The following CAMK4 variants were observed in gnomAD, a reference collection of about 807,000 sequenced individuals.
CAMK4 encodes calcium/calmodulin dependent protein kinase IV, also known as calcium/calmodulin-dependent protein kinase type IV.
CAMK4 carries 22 observed loss-of-function variants against 44.9 expected under a neutral mutation model. That is an observed-to-expected ratio of 0.49 (90% CI 0.35 to 0.70). CAMK4 has a LOEUF of 0.70. CAMK4 is among the 30% of genes least tolerant of loss of function. CAMK4 has a pLI of 0.01. For missense variants in CAMK4, 498 were observed against 586.8 expected, an observed-to-expected ratio of 0.85 and a Z score of 1.56; for synonymous variants, 218 against 215.4, an observed-to-expected ratio of 1.01 and a Z score of -0.11.
chr5:111,395,899 A>T (rs1056699525), intron 5 of CAMK4, among the ~76,000 whole-genome samples: 2 of 152,168 alleles, frequency 1.3e-5, no homozygotes, highest in African/African-American at 2.4e-5. Flanking sequence ...AAAGAGACAA[A>T]TCTATAAAAT....
chr5:111,359,874 G>T (rs544132347), intron 2 of CAMK4, among the ~76,000 whole-genome samples: 1 of 152,122 alleles, frequency 6.6e-6, no homozygotes, highest in East Asian at 1.9e-4. Context: ...GGAGTGTCCT[G>T]ATCAGTTTCA....
At chr5:111,452,559 C>G (rs1324300278) in intron 7 of CAMK4, among the ~76,000 whole-genome samples, 1 of 152,144 alleles carries the variant, frequency 6.6e-6, no homozygotes. Flanking sequence ...TGCTCATGTC[C>G]TTCCTTAGCT....
intron 1 of CAMK4, among the ~76,000 whole-genome samples, chr5:111,255,605 T>C (rs1276289898): frequency 1.3e-5 from 2 of 152,188 alleles, no homozygotes; most frequent in African/African-American, 4.8e-5. Flanking sequence ...AGAGTCATGA[T>C]TTTGTCACAA....
At chr5:111,246,140 G>C (rs551156194) in intron 1 of CAMK4, among the ~76,000 whole-genome samples, 62 of 152,252 alleles carry the variant, frequency 4.1e-4, no homozygotes, top group African/African-American at 1.3e-3. Context: ...GAATTCTCGA[G>C]ATGTTTAAGG....
intron 1 of CAMK4, among the ~76,000 whole-genome samples, chr5:111,252,230 G>A (rs984678350): frequency 2.6e-5 from 4 of 152,120 alleles, no homozygotes; most frequent in African/African-American, 9.7e-5. Context: ...CACTTGTCTT[G>A]GCTTCTTCAG....
intron 1 of CAMK4, among the ~76,000 whole-genome samples, chr5:111,247,949 C>T (rs533557114): frequency 6.6e-6 from 1 of 152,220 alleles, no homozygotes; most frequent in African/African-American, 2.4e-5. Flanking sequence ...CTAGAATTTT[C>T]CAGTCTTTAA....
rs777686208 is a variant in CAMK4, at chr5:111,449,252, AT to A, written c.625+54del. 1.4e-4 allele frequency: 119 copies of A among 854,380 alleles called. 1 individual carries two copies. Among genetic ancestry groups the A allele is most frequent in the Admixed American group, 2.5e-4 (10 of 39,254 alleles). The allele number at this position is 854,380 out of a possible 1,614,324, so 52.9% of individuals were successfully genotyped here. On this transcript the variant is annotated intron_variant, in intron 7 of 10. Coordinates refer to ENST00000282356, the MANE Select transcript of CAMK4 (RefSeq NM_001744.6). ...TTACTTTTATTGTTATTTGAAATGTATTTTTGTTTAGCAATCTCATTTTTAA... is the reference window on the plus strand; with the variant it reads ...TTACTTTTATTGTTATTTGAAATGTATTTTGTTTAGCAATCTCATTTTTAA...
intron 2 of CAMK4, among the ~76,000 whole-genome samples, chr5:111,346,382 G>A (rs1749863518): frequency 6.6e-6 from 1 of 151,828 alleles, no homozygotes; most frequent in Admixed American, 6.6e-5. Flanking sequence ...GCAATTTTAT[G>A]TGGTCCAACT....
At chr5:111,460,048 A>G (rs1476338738) in intron 7 of CAMK4, among the ~76,000 whole-genome samples, 14 of 152,056 alleles carry the variant, frequency 9.2e-5, no homozygotes, top group Non-Finnish European at 1.5e-5. Flanking sequence ...GTCAAAAGGA[A>G]GAGGTGATTG....
At chr5:111,323,146 C>T (rs1396946310) in intron 1 of CAMK4, among the ~76,000 whole-genome samples, 4 of 151,998 alleles carry the variant, frequency 2.6e-5, no homozygotes, top group Non-Finnish European at 5.9e-5. Context: ...ATTCAAGAGG[C>T]TTACTGAACA....
chr5:111,310,759 A>G (rs1748168601), intron 1 of CAMK4, among the ~76,000 whole-genome samples: 1 of 152,150 alleles, frequency 6.6e-6, no homozygotes, highest in Non-Finnish European at 1.5e-5. Flanking sequence ...TAAAAAGTAT[A>G]TTGGCCTTTT....
chr5:111,401,778 C>T (rs185477276), intron 5 of CAMK4, among the ~76,000 whole-genome samples: 94 of 152,112 alleles, frequency 6.2e-4, no homozygotes, highest in South Asian at 1.0e-3. Flanking sequence ...AAACAGCTAC[C>T]CCTAGGACTG....
rs545660202 is a variant in CAMK4, at chr5:111,228,746, G to A, written c.161+4102G>A. 2.4e-3 allele frequency among the ~76,000 whole-genome samples: 366 copies of A among 152,298 alleles called. 5 individuals are homozygous for A. Among genetic ancestry groups the A allele is most frequent in the Non-Finnish European group, 2.8e-3 (189 of 68,022 alleles). ...GTAGGCCATAAATCTGTGTGTGATA[G>A]ATTAAGCTATGAGGCAGAGTCTTTT... On this transcript the variant is annotated intron_variant, in intron 1 of 10. Transcript: ENST00000282356.
intron 1 of CAMK4, among the ~76,000 whole-genome samples, chr5:111,334,495 T>A (rs938938792): frequency 1.3e-5 from 2 of 151,532 alleles, no homozygotes; most frequent in African/African-American, 4.8e-5. Flanking sequence ...TGACGTTTTT[T>A]AGGTTCCTGC....
intron 2 of CAMK4, among the ~76,000 whole-genome samples, chr5:111,374,011 A>T (rs1482408802): frequency 1.3e-5 from 2 of 152,190 alleles, no homozygotes; most frequent in Non-Finnish European, 2.9e-5. Context: ...ATTGTCCCAA[A>T]CAAAGAGACC....
intron 1 of CAMK4, among the ~76,000 whole-genome samples, chr5:111,262,582 C>G (rs751582229): frequency 6.6e-6 from 1 of 152,128 alleles, no homozygotes; most frequent in Non-Finnish European, 1.5e-5. Flanking sequence ...TTGAATCAAT[C>G]TGAGGGGGAT....
At chr5:111,472,019 A>T (rs1192585688) in intron 7 of CAMK4, among the ~76,000 whole-genome samples, 2 of 151,952 alleles carry the variant, frequency 1.3e-5, no homozygotes. Flanking sequence ...CAGCCTCCCG[A>T]GTAGCTGGGA....
chr5:111,462,397 G>T (rs1225695544), intron 7 of CAMK4, among the ~76,000 whole-genome samples: 1 of 152,148 alleles, frequency 6.6e-6, no homozygotes, highest in Non-Finnish European at 1.5e-5. Context: ...AGATGAAAAA[G>T]ACTTGTTCTC....
intron 1 of CAMK4, among the ~76,000 whole-genome samples, chr5:111,277,296 G>A (rs577321055): frequency 6.6e-6 from 1 of 152,252 alleles, no homozygotes; most frequent in East Asian, 1.9e-4. Flanking sequence ...TAAGTCTTTG[G>A]CTTGATCTTG....
Sources: allele counts gnomAD v4.1 joint callset (sites outside exome capture counted in the v4.1 genomes callset), GRCh38; gene constraint gnomAD v4.1.1; transcripts MANE v1.5; gene names NCBI Gene and HGNC (gene_info 2026-07-23, HGNC 2026-07-21).